The following MECOM variants were observed in gnomAD, a reference collection of about 807,000 sequenced individuals.
MECOM encodes MDS1 and EVI1 complex locus, also known as histone-lysine N-methyltransferase MECOM.
A neutral mutation model predicts 116.3 loss-of-function variants in MECOM; 13 were observed. That is an observed-to-expected ratio of 0.11 (90% CI 0.07 to 0.18). The LOEUF (loss-of-function observed/expected upper bound fraction) is 0.18, where lower values mean the gene tolerates loss of function less well. MECOM is among the 10% of genes least tolerant of loss of function. The pLI is 1.00. For missense variants in MECOM, 1,299 were observed against 1,509.0 expected (o/e 0.86, Z 2.31); for synonymous variants, 528 against 535.2 (o/e 0.99, Z 0.19).
At chr3:169,319,052 C>T (rs944607107) in intron 2 of MECOM, among the ~76,000 whole-genome samples, 16 of 150,488 alleles carry the variant, frequency 1.1e-4, no homozygotes, top group Admixed American at 5.3e-4. Context: ...GAGCCAAGAT[C>T]GCACCACTGC....
At chr3:169,108,482 G>C (rs567124349) in intron 9 of MECOM, among the ~76,000 whole-genome samples, 1 of 152,234 alleles carries the variant, frequency 6.6e-6, no homozygotes, top group South Asian at 2.1e-4. Flanking sequence ...AGTTAAGAAC[G>C]TTAATGGAAA....
At chr3:169,165,530 C>T (rs1440499795) in intron 2 of MECOM, among the ~76,000 whole-genome samples, 2 of 152,160 alleles carry the variant, frequency 1.3e-5, no homozygotes, top group African/African-American at 4.8e-5. Context: ...TGCTGTTACA[C>T]ATCTATTACA....
At chr3:169,540,072 C>G (rs552545738) in intron 1 of MECOM, among the ~76,000 whole-genome samples, 2 of 152,264 alleles carry the variant, frequency 1.3e-5, no homozygotes, top group South Asian at 2.1e-4. Context: ...CATGTACGCT[C>G]TCTCTTCCTG....
chr3:169,105,771 T>A (rs1651774722), intron 10 of MECOM, among the ~76,000 whole-genome samples: 1 of 152,122 alleles, frequency 6.6e-6, no homozygotes, highest in Non-Finnish European at 1.5e-5. Flanking sequence ...GAGGAAGTCA[T>A]TTCACCCTGT....
intron 2 of MECOM, among the ~76,000 whole-genome samples, chr3:169,323,071 A>G (rs1721201877): frequency 6.6e-6 from 1 of 151,950 alleles, no homozygotes; most frequent in South Asian, 2.1e-4. Flanking sequence ...TTTTAGGAAA[A>G]AAAGAAATGG....
intron 2 of MECOM, among the ~76,000 whole-genome samples, chr3:169,360,317 ACC>A (rs1560173969): frequency 3.3e-5 from 3 of 90,948 alleles, no homozygotes; most frequent in Non-Finnish European, 4.4e-5. Flanking sequence ...AAAAAGTTAC[ACC>A]AAAAAAAAAA....
intron 1 of MECOM, among the ~76,000 whole-genome samples, chr3:169,516,622 G>A (rs555099169): frequency 6.6e-6 from 1 of 152,054 alleles, no homozygotes; most frequent in Non-Finnish European, 1.5e-5. Flanking sequence ...TCAGTACCAT[G>A]ACCACATGTG....
intron 2 of MECOM, chr3:169,144,971 A>G (rs1739331000): frequency 1.9e-6 from 3 of 1,553,008 alleles, no homozygotes; most frequent in Middle Eastern, 1.7e-4. Context: ...CAATCACCCA[A>G]TTGCAGATTC....
At position 169,234,561 on chromosome 3, in the gene MECOM, A is replaced by T. The variant is rs559335382; in HGVS notation, c.376-90729T>A. On this transcript the variant is annotated intron_variant, in intron 2 of 16. Transcript: ENST00000651503. ...TGTATTATAGATTTTTAGCTGATTT[A>T]AAAAAAATCTGGTAAACTTACTAAA... Among the ~76,000 whole-genome samples the T allele has an allele frequency of 1.2e-4, 19 of 152,200 alleles. No individual in the cohort carries two copies. The South Asian group carries it at 1.7e-3, about 13-fold the overall frequency.
intron 2 of MECOM, among the ~76,000 whole-genome samples, chr3:169,233,041 T>C (rs1302347927): frequency 6.6e-6 from 1 of 152,048 alleles, no homozygotes; most frequent in Non-Finnish European, 1.5e-5. Context: ...TGCTCTATAA[T>C]TGTGGAGTCA....
intron 1 of MECOM, among the ~76,000 whole-genome samples, chr3:169,620,046 T>G (rs1304758050): frequency 6.6e-6 from 1 of 152,188 alleles, no homozygotes; most frequent in East Asian, 1.9e-4. Context: ...ATTGCTTTGT[T>G]TTTCATAATA....
rs1183413873 is a variant in MECOM, at chr3:169,444,940, CT to C, written c.38-63417del. Among the ~76,000 whole-genome samples the C allele has an allele frequency of 6.6e-5, 10 of 152,288 alleles. No homozygotes were observed. The South Asian group carries it at 2.1e-3, about 32-fold the overall frequency. ...CAAAGAGACTGGAGGCATTTTGCCC[CT>C]GCCCTAGAGATCTGTGGAACTTTGA... On this transcript the variant is annotated intron_variant, in intron 1 of 16. Transcript: ENST00000651503.
At chr3:169,516,825 A>C (rs555623052) in intron 1 of MECOM, among the ~76,000 whole-genome samples, 1 of 152,234 alleles carries the variant, frequency 6.6e-6, no homozygotes, top group East Asian at 1.9e-4. Flanking sequence ...GGGCAGACCC[A>C]CAGAGGAAAA....
chr3:169,173,899 C>T (rs1744790157), intron 2 of MECOM, among the ~76,000 whole-genome samples: 1 of 152,190 alleles, frequency 6.6e-6, no homozygotes, highest in Admixed American at 6.5e-5. Context: ...CATTCATGCT[C>T]TGTTACTTTC....
intron 2 of MECOM, among the ~76,000 whole-genome samples, chr3:169,266,422 G>A (rs1010210580): frequency 1.3e-5 from 2 of 152,152 alleles, no homozygotes; most frequent in African/African-American, 4.8e-5. Context: ...TAAACGTACA[G>A]GGCAAAATAA....
intron 2 of MECOM, among the ~76,000 whole-genome samples, chr3:169,253,981 T>G (rs1756558587): frequency 6.6e-6 from 1 of 152,152 alleles, no homozygotes; most frequent in Non-Finnish European, 1.5e-5. Context: ...GTTATTCCTA[T>G]GAAATATTTA....
intron 2 of MECOM, among the ~76,000 whole-genome samples, chr3:169,378,450 AAGGAAAGCAAGCAAGCAAGCAAGC>A (rs1306571448): frequency 0.016 from 854 of 53,924 alleles, 57 homozygotes; most frequent in Admixed American, 0.041. Context: ...AGAAAGAAAG[AAGGAAAGCAAGCAAGCAAGCAAGC>A]AAGAAAGAGA....
chr3:169,171,873 C>G (rs937256657), intron 2 of MECOM, among the ~76,000 whole-genome samples: 8 of 151,990 alleles, frequency 5.3e-5, no homozygotes, highest in East Asian at 1.9e-4. Flanking sequence ...AGAACTGACT[C>G]TAACAAAATA....
intron 1 of MECOM, among the ~76,000 whole-genome samples, chr3:169,638,063 T>C (rs556890098): frequency 6.6e-6 from 1 of 152,334 alleles, no homozygotes; most frequent in East Asian, 1.9e-4. Context: ...ACCTGAAGGA[T>C]GAAAAAAGTT....
Sources: gnomAD v4.1 joint callset for allele counts (sites outside exome capture counted in the v4.1 genomes callset) on GRCh38, gnomAD v4.1.1 for gene constraint, MANE v1.5 for transcripts, NCBI Gene and HGNC (gene_info 2026-07-23, HGNC 2026-07-21) for gene names.